The following BABAM2 variants were observed in gnomAD, a reference collection of about 807,000 sequenced individuals.
BABAM2 encodes the protein BRISC and BRCA1 A complex member 2.
Under a neutral mutation model 54.7 loss-of-function variants are expected in BABAM2, and 31 were observed. The ratio of observed to expected loss-of-function variants is 0.57; its 90% CI spans 0.43 to 0.77. The LOEUF is 0.77. Among genes scored for constraint, BABAM2 ranks in the 30% least tolerant of loss-of-function variants. The pLI is 0.00. For missense variants in BABAM2, 364 were observed against 455.8 expected, an observed-to-expected ratio of 0.80 and a Z score of 1.83; for synonymous variants, 167 against 162.9, an observed-to-expected ratio of 1.03 and a Z score of -0.19.
intron 3 of BABAM2, among the ~76,000 whole-genome samples, chr2:27,953,582 G>A (rs184210100): frequency 4.0e-5 from 6 of 151,058 alleles, no homozygotes; most frequent in African/African-American, 1.5e-4. Context: ...ATGAACCACC[G>A]CACTGGGCCC....
At chr2:28,328,684 G>A (rs924036832) in intron 11 of BABAM2, among the ~76,000 whole-genome samples, 3 of 152,298 alleles carry the variant, frequency 2.0e-5, no homozygotes, top group Non-Finnish European at 4.4e-5. Context: ...TCTCGTCCAC[G>A]GGGCCGGGCT....
chr2:28,244,870 T>C lies in BABAM2; in HGVS notation c.934+8T>C. On this transcript the variant is annotated splice_region_variant and intron_variant, in intron 10 of 11. Coordinates refer to ENST00000379624, the MANE Select transcript of BABAM2 (RefSeq NM_199191.3). ...TTTGTTTTCTTGTACACAGTGAGTA[T>C]ACTTTTGCTGTCAGCATGTCAGCAT... 1 of 1,612,776 alleles carries C rather than the reference T, an allele frequency of 6.2e-7. No homozygotes were observed. The highest frequency in any genetic ancestry group is 8.5e-7 in the Non-Finnish European group (1 of 1,179,020).
At chr2:28,326,030 C>T (rs1043586710) in intron 11 of BABAM2, among the ~76,000 whole-genome samples, 2 of 152,238 alleles carry the variant, frequency 1.3e-5, no homozygotes, top group Non-Finnish European at 2.9e-5. Context: ...GCACAAACCT[C>T]GGAGCACTGT....
chr2:28,257,623 C>T (rs1460955668), intron 10 of BABAM2, among the ~76,000 whole-genome samples: 1 of 152,136 alleles, frequency 6.6e-6, no homozygotes, highest in Non-Finnish European at 1.5e-5. Flanking sequence ...GTGGCTCAGG[C>T]CTGTAATCCC....
chr2:28,244,407 C>T (rs973691143), intron 9 of BABAM2, among the ~76,000 whole-genome samples: 1 of 152,032 alleles, frequency 6.6e-6, no homozygotes, highest in African/African-American at 2.4e-5. Context: ...ATATGTCCTT[C>T]TACTCATAAT....
At chr2:28,312,122 G>A (rs2148284115) in intron 11 of BABAM2, among the ~76,000 whole-genome samples, 1 of 152,264 alleles carries the variant, frequency 6.6e-6, no homozygotes, top group African/African-American at 2.4e-5. Context: ...CAAGCCGCTT[G>A]TTTCTATCAC....
At chr2:28,052,204 A>G (rs1289558516) in intron 6 of BABAM2, among the ~76,000 whole-genome samples, 4 of 152,232 alleles carry the variant, frequency 2.6e-5, no homozygotes, top group African/African-American at 9.6e-5. Flanking sequence ...AAGAACTGAA[A>G]TGATCAAGTG....
chr2:27,929,713 C>G (rs1449322574), intron 2 of BABAM2, 119 bp from the exon 3 acceptor site: 1 of 835,852 alleles, frequency 1.2e-6, no homozygotes, highest in Non-Finnish European at 1.8e-6. Flanking sequence ...GTTCTGTAAG[C>G]CAGTGTTTTA....
chr2:28,320,541 G>A (rs749991033), intron 11 of BABAM2, among the ~76,000 whole-genome samples: 3 of 152,240 alleles, frequency 2.0e-5, no homozygotes, highest in Non-Finnish European at 2.9e-5. Flanking sequence ...CCCGACTGCT[G>A]GCAGATGTCT....
At chr2:28,104,765 A>G (rs1353192494) in intron 6 of BABAM2, among the ~76,000 whole-genome samples, 7 of 152,200 alleles carry the variant, frequency 4.6e-5, no homozygotes, top group South Asian at 2.1e-4. Flanking sequence ...CACTATTCAC[A>G]ATAGCAAAGA....
chr2:27,984,359 G>A (rs1672240888), intron 3 of BABAM2, among the ~76,000 whole-genome samples: 1 of 152,076 alleles, frequency 6.6e-6, no homozygotes, highest in Non-Finnish European at 1.5e-5. Context: ...TTGAAAGAAT[G>A]AGTAATCAGG....
intron 2 of BABAM2, among the ~76,000 whole-genome samples, chr2:27,927,602 T>G (rs1175621491): frequency 6.6e-6 from 1 of 152,208 alleles, no homozygotes; most frequent in Non-Finnish European, 1.5e-5. Context: ...TAGAAAAGAT[T>G]ACACTAAAAG....
At chr2:28,037,440 T>C (rs542265521) in intron 5 of BABAM2, among the ~76,000 whole-genome samples, 7 of 152,342 alleles carry the variant, frequency 4.6e-5, no homozygotes, top group Non-Finnish European at 1.0e-4. Context: ...TATAATTGAA[T>C]TATTATTACA....
chr2:28,033,881 G>A (rs1292657351), intron 5 of BABAM2, among the ~76,000 whole-genome samples: 2 of 151,656 alleles, frequency 1.3e-5, no homozygotes, highest in African/African-American at 2.4e-5. Flanking sequence ...ATCAATGGGT[G>A]ATCTGTGAGA....
intron 7 of BABAM2, among the ~76,000 whole-genome samples, chr2:28,226,591 C>T (rs906689146): frequency 5.9e-5 from 9 of 152,022 alleles, no homozygotes; most frequent in Non-Finnish European, 1.0e-4. Context: ...ACGGAGAAAA[C>T]GACAACACAG....
intron 6 of BABAM2, among the ~76,000 whole-genome samples, chr2:28,107,031 T>A (rs115641909): frequency 0.053 from 8,103 of 152,276 alleles, 300 homozygotes; most frequent in Non-Finnish European, 0.08. Context: ...TAAATCTAGT[T>A]CACATTATCC....
At chr2:27,973,359 A>G (rs1367273881) in intron 3 of BABAM2, among the ~76,000 whole-genome samples, 2 of 151,946 alleles carry the variant, frequency 1.3e-5, no homozygotes, top group Non-Finnish European at 2.9e-5. Context: ...CTGGGCAAGG[A>G]CAGAAAATTC....
chr2:28,155,978 C>A (rs1261504538), intron 7 of BABAM2, among the ~76,000 whole-genome samples: 1 of 152,148 alleles, frequency 6.6e-6, no homozygotes, highest in African/African-American at 2.4e-5. Flanking sequence ...TTCACTAGAT[C>A]ACCTCCTCTG....
chr2:27,944,641 A>AT (rs897571102), intron 3 of BABAM2, among the ~76,000 whole-genome samples: 42 of 150,496 alleles, frequency 2.8e-4, no homozygotes, highest in Non-Finnish European at 3.7e-4. Context: ...GGACATTCGG[A>AT]TTTTTTTTTC....
Sources: gnomAD v4.1 joint callset for allele counts (sites outside exome capture counted in the v4.1 genomes callset) on GRCh38, gnomAD v4.1.1 for gene constraint, MANE v1.5 for transcripts, NCBI Gene and HGNC (gene_info 2026-07-23, HGNC 2026-07-21) for gene names.